The following RBPMS variants were observed in gnomAD, a reference collection of about 807,000 sequenced individuals.
The protein encoded by RBPMS is RNA binding protein, mRNA processing factor.
RBPMS carries 7 observed loss-of-function variants against 26.8 expected under a neutral mutation model. The ratio of observed to expected loss-of-function variants is 0.26; its 90% confidence interval spans 0.15 to 0.49. The LOEUF (loss-of-function observed/expected upper bound fraction) is 0.49. Among genes scored for constraint, RBPMS ranks in the 20% least tolerant of loss-of-function variants. The probability of loss-of-function intolerance (pLI) is 0.98; values close to 1 mark genes in which losing one functional copy is unlikely to be tolerated. For synonymous variants in RBPMS, 96 were observed against 93.3 expected (o/e 1.03, Z -0.17); for missense variants, 186 against 250.0 (o/e 0.74, Z 1.73).
In RBPMS at chr8:30,504,390, T is replaced by C. The variant is rs1363708507; in HGVS notation, c.351T>C (p.Ser117=). ...AACTCGTAGGGACTCCAAACCCCAGTACTCCTCTGCCCAACACTGTACCTC... is the reference window on the plus strand; with the variant it reads ...AACTCGTAGGGACTCCAAACCCCAGCACTCCTCTGCCCAACACTGTACCTC... The part of the protein sequence containing the change: ...KNKLVGTPNP[S]TPLPNTVPQF... The change falls in exon 5 of 9, where the codon AGT becomes AGC. Residue 117 remains serine, a synonymous_variant. Coordinates refer to ENST00000397323, the MANE Select transcript of RBPMS (RefSeq NM_001008710.3). 1 of 1,614,222 alleles carries C rather than the reference T, an allele frequency of 6.2e-7. No homozygotes were observed. The highest frequency in any genetic ancestry group is 1.1e-5 in the South Asian group (1 of 91,084).
At chr8:30,436,306 C>T (rs903489421) in intron 1 of RBPMS, among the ~76,000 whole-genome samples, 1 of 152,154 alleles carries the variant, frequency 6.6e-6, no homozygotes, top group African/African-American at 2.4e-5. Context: ...GTTGCACACT[C>T]CTGGGACATT....
chr8:30,457,080 A>G (rs758963419), intron 1 of RBPMS, among the ~76,000 whole-genome samples: 15 of 152,316 alleles, frequency 9.8e-5, no homozygotes, highest in East Asian at 1.9e-4. Flanking sequence ...GTTCTGGCCA[A>G]TGCTGGCCTG....
chr8:30,445,056 G>A (rs375585094), intron 1 of RBPMS, among the ~76,000 whole-genome samples: 1 of 152,028 alleles, frequency 6.6e-6, no homozygotes, highest in African/African-American at 2.4e-5. Context: ...AGGACTGTGG[G>A]GTTGATGTTT....
At chr8:30,449,365 TC>T (rs1814264227) in intron 1 of RBPMS, among the ~76,000 whole-genome samples, 2 of 132,306 alleles carry the variant, frequency 1.5e-5, no homozygotes, top group African/African-American at 6.3e-5. Context: ...TCCTCACATC[TC>T]CTCTTTTTTT....
At chr8:30,551,141 T>G (rs1487709749) in intron 6 of RBPMS, among the ~76,000 whole-genome samples, 1 of 152,024 alleles carries the variant, frequency 6.6e-6, no homozygotes, top group Non-Finnish European at 1.5e-5. Flanking sequence ...GCAGATGCTC[T>G]CTCCCTGGTG....
chr8:30,551,020 G>A (rs746445229), intron 6 of RBPMS, among the ~76,000 whole-genome samples: 4 of 152,180 alleles, frequency 2.6e-5, no homozygotes, highest in Non-Finnish European at 5.9e-5. Flanking sequence ...CAGTCCTTCT[G>A]CTAGTATTCT....
chr8:30,407,902 C>G (rs1808838888), intron 1 of RBPMS, among the ~76,000 whole-genome samples: 1 of 144,260 alleles, frequency 6.9e-6, no homozygotes, highest in African/African-American at 2.6e-5. Flanking sequence ...TTTAGAGGTA[C>G]TAGAGAAGTT....
chr8:30,550,857 T>C (rs1361529057), intron 6 of RBPMS, among the ~76,000 whole-genome samples: 2 of 152,228 alleles, frequency 1.3e-5, no homozygotes, highest in African/African-American at 4.8e-5. Flanking sequence ...AGCGACGGAA[T>C]GGCCCTTGCC....
At chr8:30,468,494 A>C (rs550166898) in intron 1 of RBPMS, among the ~76,000 whole-genome samples, 6 of 152,076 alleles carry the variant, frequency 3.9e-5, no homozygotes, top group Admixed American at 3.9e-4. Context: ...ATGTTGTGTA[A>C]CTCTATTGAT....
At chr8:30,552,151 G>A (rs1563443249) in intron 6 of RBPMS, among the ~76,000 whole-genome samples, 2 of 152,124 alleles carry the variant, frequency 1.3e-5, no homozygotes, top group African/African-American at 2.4e-5. Flanking sequence ...AGAATGGTCC[G>A]TGGCTGTGGC....
intron 5 of RBPMS, among the ~76,000 whole-genome samples, chr8:30,527,418 T>A (rs1823710487): frequency 6.6e-6 from 1 of 152,216 alleles, no homozygotes; most frequent in Admixed American, 6.5e-5. Flanking sequence ...GGTCTCTGAA[T>A]TAAATTTTGC....
At chr8:30,438,146 C>T (rs576764492) in intron 1 of RBPMS, among the ~76,000 whole-genome samples, 1 of 152,016 alleles carries the variant, frequency 6.6e-6, no homozygotes, top group African/African-American at 2.4e-5. Flanking sequence ...CTAAATAATA[C>T]AGTCTCATGC....
chr8:30,513,574 C>T (rs534432705), intron 5 of RBPMS, among the ~76,000 whole-genome samples: 1 of 126,048 alleles, frequency 7.9e-6, no homozygotes, highest in Non-Finnish European at 1.6e-5. Context: ...GGCGACACAG[C>T]GAGACTCCAT....
At chr8:30,513,235 A>G (rs761916586) in intron 5 of RBPMS, among the ~76,000 whole-genome samples, 2 of 152,144 alleles carry the variant, frequency 1.3e-5, no homozygotes, top group African/African-American at 4.8e-5. Flanking sequence ...GTGGCATCAG[A>G]GCCACAGCAC....
chr8:30,448,631 TG>T (rs1814158210), intron 1 of RBPMS, among the ~76,000 whole-genome samples: 1 of 152,162 alleles, frequency 6.6e-6, no homozygotes. Flanking sequence ...TGGGTAGAAA[TG>T]GGTATAATGG....
chr8:30,384,751 T>A lies in RBPMS; in HGVS notation c.-342T>A. ...CGTCCTCGCCCCATCCTTTGCTTCC[T>A]TCCTTCCTTCCTTCTTCCTTCCTCC... is the stretch of plus-strand genomic sequence containing the variant. On this transcript the variant is annotated 5_prime_UTR_variant, in exon 1 of 9. Coordinates refer to ENST00000397323, the MANE Select transcript of RBPMS (RefSeq NM_001008710.3). The surrounding 1 kb of genome is among the most constrained non-coding windows in gnomAD (Gnocchi z 5.6). The A allele has an allele frequency of 4.7e-6, 1 of 211,052 alleles. No individual in the cohort carries two copies. The allele number at this position is 211,052 out of a possible 1,614,324, so 13.1% of individuals were successfully genotyped here.
intron 1 of RBPMS, among the ~76,000 whole-genome samples, chr8:30,408,025 A>G (rs117564659): frequency 0.02 from 3,019 of 152,230 alleles, 51 homozygotes; most frequent in Non-Finnish European, 0.03. Context: ...GCAATCAGTA[A>G]TGTGGAAACT....
At chr8:30,568,410 G>T (rs1346538607) in intron 8 of RBPMS, among the ~76,000 whole-genome samples, 1 of 152,158 alleles carries the variant, frequency 6.6e-6, no homozygotes, top group East Asian at 1.9e-4. Flanking sequence ...CAGAGTGAGG[G>T]GCAGGCAGCG....
At chr8:30,497,551 T>C (rs1374299013) in intron 4 of RBPMS, among the ~76,000 whole-genome samples, 2 of 151,894 alleles carry the variant, frequency 1.3e-5, no homozygotes, top group Non-Finnish European at 2.9e-5. Context: ...GTCTCAAAAA[T>C]GATAAACCGG....
Sources: allele counts gnomAD v4.1 joint callset (sites outside exome capture counted in the v4.1 genomes callset), GRCh38; gene constraint gnomAD v4.1.1; non-coding constraint Gnocchi (gnomAD v3.1); transcripts MANE v1.5; gene names NCBI Gene and HGNC (gene_info 2026-07-23, HGNC 2026-07-21).